EFCAB13: variants seen among roughly 807,000 people sequenced by gnomAD.
EFCAB13 encodes the protein EF-hand calcium-binding domain-containing protein 13.
EFCAB13 carries 91 observed loss-of-function variants against 110.2 expected under a neutral mutation model. That is an observed-to-expected ratio of 0.83 (90% CI 0.70 to 0.98). The LOEUF (loss-of-function observed/expected upper bound fraction) is 0.98, where lower values mean the gene tolerates loss of function less well. Ranked by LOEUF, EFCAB13 falls within the 50% of genes least tolerant of loss-of-function variation. The pLI is 0.00. For missense variants in EFCAB13, 968 were observed against 1,119.4 expected (o/e 0.86, Z 1.93); for synonymous variants, 323 against 369.9 (o/e 0.87, Z 1.45).
intron 10 of EFCAB13, among the ~76,000 whole-genome samples, chr17:47,366,739 A>G (rs1432845112): frequency 6.6e-6 from 1 of 152,160 alleles, no homozygotes. Context: ...TTTGGCCACT[A>G]GGGACTATTT....
rs1598752412 is a variant in EFCAB13 at position 47,402,351 on chromosome 17, T to G, written c.2017+148T>G. The G allele has an allele frequency of 5.7e-6, 4 of 705,492 alleles. No individual in the cohort carries two copies. The East Asian group carries it at 1.1e-4, about 19-fold the overall frequency. The allele number at this position is 705,492 out of a possible 1,614,324, so 43.7% of individuals were successfully genotyped here. The stretch of plus-strand genomic sequence containing the variant: ...ATACGCAGATGAAACTTGGTTTTGA[T>G]TAAACATTGGCTGGCATATAGGAAC... On this transcript the variant is annotated intron_variant, in intron 18 of 24. Coordinates refer to ENST00000331493, the MANE Select transcript of EFCAB13 (RefSeq NM_152347.5).
intron 8 of EFCAB13, 59 bp from the exon 9 acceptor site, chr17:47,347,749 G>T (rs7206971): frequency 8.0e-7 from 1 of 1,247,694 alleles, no homozygotes; most frequent in African/African-American, 1.5e-5. Context: ...AGAGTGGGGG[G>T]AATAAGGATA....
At chr17:47,376,716 G>A (rs1246989604) in intron 12 of EFCAB13, among the ~76,000 whole-genome samples, 3 of 152,126 alleles carry the variant, frequency 2.0e-5, no homozygotes, top group Admixed American at 6.5e-5. Context: ...ATTCAAATTT[G>A]TCAGTTGTTC....
rs1905111590 is a variant in EFCAB13, at chr17:47,431,298, A to T, written c.2638+1337A>T. Among the ~76,000 whole-genome samples the T allele has an allele frequency of 6.7e-6, 1 of 149,678 alleles. No homozygotes were observed. ...TCTATTTTTTCTTTGTTTTTTTTTA[A>T]CTCTTTTTTTTCCTTTTTTCAGTCA... On this transcript the variant is annotated intron_variant, in intron 24 of 24. Coordinates refer to ENST00000331493, the MANE Select transcript of EFCAB13 (RefSeq NM_152347.5). This position sits in a 1 kb window ranked among gnomAD's most constrained non-coding sequence, Gnocchi z 4.1.
At chr17:47,358,915 G>A (rs1443532026) in intron 9 of EFCAB13, among the ~76,000 whole-genome samples, 2 of 152,152 alleles carry the variant, frequency 1.3e-5, no homozygotes, top group Non-Finnish European at 2.9e-5. Context: ...CAAGCCTTTG[G>A]CTTATTTTCA....
At position 47,424,874 on chromosome 17, in the gene EFCAB13, C is replaced by CTTTTTTTTTTTTTTTTT. The variant is rs548271723; in HGVS notation, c.2495-4934_2495-4918dup. ...AGGATTTCTTTCTCCGGTTGACAAT[C>CTTTTTTTTTTTTTTTTT]TTTTTTTTTTTTTTTTTTTTTTTTT... On this transcript the variant is annotated intron_variant, in intron 23 of 24. Coordinates refer to ENST00000331493, the MANE Select transcript of EFCAB13 (RefSeq NM_152347.5). Among the ~76,000 whole-genome samples the CTTTTTTTTTTTTTTTTT allele has an allele frequency of 2.1e-3, 76 of 36,884 alleles. 19 individuals carry two copies. Among genetic ancestry groups the CTTTTTTTTTTTTTTTTT allele is most frequent in the Middle Eastern group, 0.019 (1 of 54 alleles). The allele number at this position is 36,884 out of a possible 152,430, so 24.2% of individuals were successfully genotyped here. A position where few individuals can be genotyped will look rare whatever the true frequency, so the allele number is the denominator to read the frequency against.
intron 17 of EFCAB13, among the ~76,000 whole-genome samples, chr17:47,399,793 G>A (rs72829616): frequency 0.05 from 7,578 of 152,092 alleles, 251 homozygotes; most frequent in East Asian, 0.11. Context: ...TACAAAAAAA[G>A]CATTGAAAAA....
At chr17:47,376,435 A>G (rs1399202531) in intron 12 of EFCAB13, among the ~76,000 whole-genome samples, 1 of 152,214 alleles carries the variant, frequency 6.6e-6, no homozygotes, top group Non-Finnish European at 1.5e-5. Flanking sequence ...AAATAAAATG[A>G]TGTCATCTAC....
At position 47,391,438 on chromosome 17, in the gene EFCAB13, G is replaced by A. The variant is rs139923542; in HGVS notation, c.1584G>A (p.Ala528=). The A allele has an allele frequency of 7.7e-4, 1,181 of 1,542,380 alleles. 3 individuals carry two copies. The highest frequency in any genetic ancestry group is 9.5e-4 in the Non-Finnish European group (1,096 of 1,150,988). The change falls in exon 15 of 25, where the codon GCG becomes GCA. Residue 528 remains alanine (A), a splice_region_variant and synonymous_variant. Transcript: ENST00000331493. ...ATTAGCATACTCCTTTATTTTTAGC[G>A]TTGCCTGGTGTCATTAAAGCCATTG... ...AKERSFPECN[A]LPGVIKAIDK... is the part of the protein sequence containing the mutation.
At chr17:47,405,837 G>T (rs1598753989) in intron 20 of EFCAB13, among the ~76,000 whole-genome samples, 1 of 151,566 alleles carries the variant, frequency 6.6e-6, no homozygotes, top group African/African-American at 2.4e-5. Context: ...TTTACCTTTA[G>T]TAAGTCCTTT....
chr17:47,375,211 G>A (rs549298621), intron 12 of EFCAB13, among the ~76,000 whole-genome samples: 1 of 152,156 alleles, frequency 6.6e-6, no homozygotes, highest in South Asian at 2.1e-4. Flanking sequence ...GAACCACCAT[G>A]CCTATGCAAA....
chr17:47,430,100 C>A, intron 24 of EFCAB13, 139 bp downstream of exon 24: 1 of 1,329,110 alleles, frequency 7.5e-7, no homozygotes, highest in Non-Finnish European at 9.7e-7. Context: ...GGTACTGCCC[C>A]TACAGGTGTG....
chr17:47,386,123 A>G (rs796857818), intron 14 of EFCAB13, among the ~76,000 whole-genome samples: 48 of 152,284 alleles, frequency 3.2e-4, no homozygotes, highest in African/African-American at 1.2e-3. Flanking sequence ...CCAGTTGAGG[A>G]GGCAGTCTGT....
intron 9 of EFCAB13, among the ~76,000 whole-genome samples, chr17:47,348,423 A>G (rs1446115507): frequency 6.6e-6 from 1 of 152,110 alleles, no homozygotes; most frequent in African/African-American, 2.4e-5. Flanking sequence ...TTTAAATAGT[A>G]TTATTGTTAT....
intron 24 of EFCAB13, among the ~76,000 whole-genome samples, chr17:47,437,412 T>C (rs543190843): frequency 1.5e-3 from 228 of 152,270 alleles, no homozygotes; most frequent in South Asian, 3.5e-3. Flanking sequence ...CTTAGGTCTA[T>C]TAGTAATTGT....
intron 23 of EFCAB13, among the ~76,000 whole-genome samples, chr17:47,425,911 C>T (rs1297826432): frequency 2.6e-5 from 4 of 152,300 alleles, no homozygotes; most frequent in South Asian, 2.1e-4. Context: ...ATGTATGTAA[C>T]TTGCAAGCAA....
intron 17 of EFCAB13, among the ~76,000 whole-genome samples, chr17:47,397,773 T>C (rs1282642430): frequency 1.0e-4 from 15 of 148,432 alleles, no homozygotes; most frequent in African/African-American, 3.0e-4. Context: ...ACCCTCCGCC[T>C]GGCAACCGCC....
intron 10 of EFCAB13, among the ~76,000 whole-genome samples, chr17:47,368,140 T>TA (rs944258698): frequency 6.6e-5 from 10 of 151,992 alleles, no homozygotes; most frequent in African/African-American, 9.7e-5. Context: ...TACTTTGGTT[T>TA]AAAAAAAATA....
chr17:47,354,483 C>T (rs559950989), intron 9 of EFCAB13, among the ~76,000 whole-genome samples: 107 of 152,246 alleles, frequency 7.0e-4, no homozygotes, highest in African/African-American at 2.5e-3. Context: ...TTGAAGCCCC[C>T]TACTACTGTT....
Sources: gnomAD v4.1 joint callset for allele counts (sites outside exome capture counted in the v4.1 genomes callset) on GRCh38, gnomAD v4.1.1 for gene constraint, Gnocchi (gnomAD v3.1) non-coding constraint, MANE v1.5 for transcripts, NCBI Gene and HGNC (gene_info 2026-07-23, HGNC 2026-07-21) for gene names.